The following KCTD13 variants were observed in gnomAD, a reference collection of about 807,000 sequenced individuals.
The protein encoded by KCTD13 is potassium channel tetramerization domain containing 13.
Under a neutral mutation model 32.3 loss-of-function variants are expected in KCTD13, and 15 were observed. The ratio of observed to expected loss-of-function variants is 0.46; its 90% CI spans 0.31 to 0.71. KCTD13 has a LOEUF of 0.71. KCTD13 is among the 30% of genes least tolerant of loss of function. KCTD13 has a pLI of 0.05. For missense variants in KCTD13, 337 were observed against 452.6 expected, an observed-to-expected ratio of 0.74 and a Z score of 2.32; for synonymous variants, 189 against 200.1, an observed-to-expected ratio of 0.94 and a Z score of 0.47.
intron 1 of KCTD13, among the ~76,000 whole-genome samples, chr16:29,924,981 T>C (rs2068971502): frequency 6.6e-6 from 1 of 152,164 alleles, no homozygotes; most frequent in African/African-American, 2.4e-5. Flanking sequence ...CCTCCCAAAG[T>C]GCTGGGATTA....
intron 2 of KCTD13, among the ~76,000 whole-genome samples, chr16:29,912,603 G>A (rs529542400): frequency 4.7e-4 from 72 of 152,262 alleles, no homozygotes; most frequent in South Asian, 1.9e-3. Context: ...ACCACACCCA[G>A]CTAATTTTGT....
chr16:29,907,922 G>C (rs1046454280), intron 5 of KCTD13, among the ~76,000 whole-genome samples: 1 of 151,646 alleles, frequency 6.6e-6, no homozygotes, highest in African/African-American at 2.4e-5. Flanking sequence ...AACATCGTTA[G>C]AGCCCAGGAG....
chr16:29,906,571 A>C lies in KCTD13; in HGVS notation c.*301T>G. The C allele has an allele frequency of 1.9e-6, 1 of 539,752 alleles. No homozygotes were observed. The highest frequency in any genetic ancestry group is 1.5e-5 in the South Asian group (1 of 65,276). The allele number at this position is 539,752 out of a possible 1,614,324, so 33.4% of individuals were successfully genotyped here. On this transcript the variant is annotated 3_prime_UTR_variant, in exon 6 of 6. Coordinates refer to ENST00000568000, the MANE Select transcript of KCTD13 (RefSeq NM_178863.5). ...CACTTTGGCATGGACGATGCACTAA[A>C]AAAAGAGAAAGGGAATTCTAAATCC...
At position 29,923,367 on chromosome 16, in the gene KCTD13, G is replaced by A. The variant is rs765344507; in HGVS notation, c.245-8C>T. 1 of 1,611,364 alleles carries A rather than the reference G, an allele frequency of 6.2e-7. No homozygotes were observed. Among genetic ancestry groups the A allele is most frequent in the Non-Finnish European group, 8.5e-7 (1 of 1,178,238 alleles). ...GGTCAATCAGCACCCAACCTAGTGGGGTGGGGAGAGGCAGGGGGAAAGATG... is the reference window on the plus strand; with the variant it reads ...GGTCAATCAGCACCCAACCTAGTGGAGTGGGGAGAGGCAGGGGGAAAGATG... On this transcript the variant is annotated splice_polypyrimidine_tract_variant and splice_region_variant and intron_variant, in intron 1 of 5. Transcript: ENST00000568000.
intron 2 of KCTD13, chr16:29,915,168 C>T (rs966194066): frequency 2.0e-5 from 3 of 152,260 alleles, no homozygotes; most frequent in African/African-American, 7.2e-5. Flanking sequence ...GTTTGCAGCT[C>T]CACAGTTTCA....
chr16:29,925,436 T>G, intron 1 of KCTD13: 10 of 311,934 alleles, frequency 3.2e-5, no homozygotes, highest in East Asian at 9.7e-5. Flanking sequence ...CTGCCAGGAG[T>G]AGTACTGCAG....
At chr16:29,908,394 T>C (rs996115459) in intron 5 of KCTD13, among the ~76,000 whole-genome samples, 1 of 152,090 alleles carries the variant, frequency 6.6e-6, no homozygotes, top group Admixed American at 6.6e-5. Flanking sequence ...TTATTTTTTA[T>C]TTTTTCCTGA....
chr16:29,918,185 G>A (rs1384971017), intron 2 of KCTD13, among the ~76,000 whole-genome samples: 1 of 152,190 alleles, frequency 6.6e-6, no homozygotes, highest in East Asian at 1.9e-4. Context: ...TACTGGTTCA[G>A]GTAAGGATTA....
rs1465079289 is a variant in KCTD13, at chr16:29,911,076, C to T, written c.655G>A (p.Asp219Asn). 1 of 1,614,176 alleles carries T rather than the reference C, an allele frequency of 6.2e-7. No individual in the cohort carries two copies. The highest frequency in any genetic ancestry group is 2.2e-5 in the East Asian group (1 of 44,884). ...RLLFLKDVLG[D>N]EICCWSFYGQ... ...TAGAAAGACCAGCAGCAGATCTCGT[C>T]CCCCAGGACATCCTTGAGGAAGAGT... The change falls in exon 5 of 6, where the codon GAC becomes AAC. Residue 219 changes from aspartate to asparagine, a missense_variant. Asp to Asn is a conservative substitution (Grantham distance 23, BLOSUM62 1). Around this residue, in one of 3 missense-constraint regions of KCTD13, gnomAD observed 252 missense variants for 340.2 expected, o/e 0.74. Coordinates refer to ENST00000568000, the MANE Select transcript of KCTD13 (RefSeq NM_178863.5).
intron 1 of KCTD13, 29 bp from the exon 2 acceptor site, chr16:29,923,388 A>G (rs1243302508): frequency 6.2e-7 from 1 of 1,605,492 alleles, no homozygotes; most frequent in Admixed American, 1.7e-5. Context: ...GCAGGGGGAA[A>G]GATGGCTTTG....
intron 5 of KCTD13, among the ~76,000 whole-genome samples, chr16:29,910,288 C>A (rs1479067222): frequency 6.6e-6 from 1 of 151,924 alleles, no homozygotes; most frequent in Admixed American, 6.6e-5. Flanking sequence ...GTCCTAGCTA[C>A]TGGGGAGGCT....
At chr16:29,918,405 TAC>T (rs2068847243) in intron 2 of KCTD13, among the ~76,000 whole-genome samples, 1 of 152,232 alleles carries the variant, frequency 6.6e-6, no homozygotes, top group Non-Finnish European at 1.5e-5. Context: ...GTGAAATACA[TAC>T]ATAATATTAC....
In KCTD13 at chr16:29,923,384, G is replaced by A. The variant is rs754915063; in HGVS notation, c.245-25C>T. 8 of 1,606,078 alleles carry A rather than the reference G, an allele frequency of 5.0e-6. No individual in the cohort carries two copies. In the South Asian group the frequency reaches 6.6e-5, roughly 13 times the overall value. ...CCTAGTGGGGTGGGGAGAGGCAGGG[G>A]GAAAGATGGCTTTGCTGCGGGACCT... On this transcript the variant is annotated intron_variant, in intron 1 of 5. Coordinates refer to ENST00000568000, the MANE Select transcript of KCTD13 (RefSeq NM_178863.5).
intron 2 of KCTD13, chr16:29,912,431 T>C: frequency 3.5e-6 from 1 of 285,766 alleles, no homozygotes; most frequent in Non-Finnish European, 6.5e-6. Context: ...TCCTGCCTTT[T>C]GTGTTATCAG....
intron 4 of KCTD13, 137 bp downstream of exon 4, chr16:29,911,678 A>G: frequency 1.2e-6 from 1 of 838,878 alleles, no homozygotes; most frequent in Non-Finnish European, 1.9e-6. Context: ...GTCAGGGGTA[A>G]GAGGCGAAGC....
chr16:29,911,303 C>T (rs2068704534), intron 4 of KCTD13, 130 bp from the exon 5 acceptor site: 1 of 715,048 alleles, frequency 1.4e-6, no homozygotes, highest in Admixed American at 2.7e-5. Context: ...CAGAGAGCCT[C>T]CTCCACCCCT....
rs754862137 is a variant in KCTD13 at position 29,907,061 on chromosome 16, G to A, written c.801C>T (p.Leu267=). The A allele has an allele frequency of 6.2e-7, 1 of 1,613,528 alleles. No homozygotes were observed. Among genetic ancestry groups the A allele is most frequent in the Non-Finnish European group, 8.5e-7 (1 of 1,179,508 alleles). ...ARIFEETLNI[L]IYETPRGPDP... is the part of the protein sequence containing the mutation. Reference sequence around the variant, plus strand: ...CTGGGCCCCGGGGAGTCTCGTAGATGAGGATGTTCAGGGTCTCCTCGAAGA... The same window carrying A: ...CTGGGCCCCGGGGAGTCTCGTAGATAAGGATGTTCAGGGTCTCCTCGAAGA... The change falls in exon 6 of 6, where the codon CTC becomes CTT. Residue 267 remains leucine, a synonymous_variant. Coordinates refer to ENST00000568000, the MANE Select transcript of KCTD13 (RefSeq NM_178863.5).
rs987966455 is a variant in KCTD13, at chr16:29,906,349, TAAC to T, written c.*520_*522del. On this transcript the variant is annotated 3_prime_UTR_variant, in exon 6 of 6. Coordinates refer to ENST00000568000, the MANE Select transcript of KCTD13 (RefSeq NM_178863.5). The stretch of plus-strand genomic sequence containing the variant: ...AGGAGCCAGCACCAGTTTCTCAACT[TAAC>T]TTTATTTCAATAATTTAATAGAAAA... 1 of 204,304 alleles carries T rather than the reference TAAC, an allele frequency of 4.9e-6. No homozygotes were observed. The allele number at this position is 204,304 out of a possible 1,614,324, so 12.7% of individuals were successfully genotyped here. A position where few individuals can be genotyped will look rare whatever the true frequency, so the allele number is the denominator to read the frequency against.
chr16:29,912,483 C>G, intron 2 of KCTD13: 1 of 214,296 alleles, frequency 4.7e-6, no homozygotes. Context: ...GCTTGTTGCC[C>G]AGGCTGGAGT....
Sources: allele counts gnomAD v4.1 joint callset (sites outside exome capture counted in the v4.1 genomes callset), GRCh38; gene constraint gnomAD v4.1.1; regional missense constraint gnomAD v4.1.1; transcripts MANE v1.5; gene names NCBI Gene and HGNC (gene_info 2026-07-23, HGNC 2026-07-21).